DCC: variants seen among roughly 807,000 people sequenced by gnomAD.
The protein encoded by DCC is netrin receptor DCC.
DCC carries 58 observed loss-of-function variants against 172.5 expected under a neutral mutation model. The observed-to-expected ratio is 0.34, with a 90% CI of 0.27 to 0.42. DCC has a LOEUF of 0.42. DCC is among the 10% of genes least tolerant of loss of function. The pLI, the probability that DCC is intolerant of heterozygous loss-of-function variation, is 1.00. For missense variants in DCC, 1,740 were observed against 1,791.0 expected, an observed-to-expected ratio of 0.97 and a Z score of 0.51; for synonymous variants, 709 against 644.5, an observed-to-expected ratio of 1.10 and a Z score of -1.52.
chr18:52,858,266 G>T (rs1231420819), intron 2 of DCC, among the ~76,000 whole-genome samples: 1 of 152,158 alleles, frequency 6.6e-6, no homozygotes, highest in East Asian at 1.9e-4. Flanking sequence ...TTCTTGAAAT[G>T]GTATTAGAAA....
intron 1 of DCC, among the ~76,000 whole-genome samples, chr18:52,676,310 G>T (rs1568035637): frequency 6.6e-6 from 1 of 152,154 alleles, no homozygotes; most frequent in Non-Finnish European, 1.5e-5. Context: ...ATTGAATGAA[G>T]TACTCGGGAA....
At chr18:53,492,488 T>C (rs1031487218) in intron 26 of DCC, among the ~76,000 whole-genome samples, 3 of 152,160 alleles carry the variant, frequency 2.0e-5, no homozygotes, top group Admixed American at 2.0e-4. Context: ...TTGTATAAGG[T>C]GTAAAGAAGG....
At chr18:52,616,604 C>A (rs1017915076) in intron 1 of DCC, among the ~76,000 whole-genome samples, 1 of 152,028 alleles carries the variant, frequency 6.6e-6, no homozygotes, top group African/African-American at 2.4e-5. Context: ...TATCAATGAA[C>A]AAGTATTTAG....
intron 7 of DCC, among the ~76,000 whole-genome samples, chr18:53,091,726 A>G (rs1215200703): frequency 6.6e-6 from 1 of 151,932 alleles, no homozygotes; most frequent in Non-Finnish European, 1.5e-5. Flanking sequence ...ACCTCCTAAT[A>G]TGATCACTTT....
chr18:52,699,004 T>C (rs1003027331), intron 1 of DCC, among the ~76,000 whole-genome samples: 2 of 152,162 alleles, frequency 1.3e-5, no homozygotes. Flanking sequence ...GTGTTTGTTA[T>C]ATGTGCTTAG....
chr18:52,904,040 A>G (rs2039845701), intron 2 of DCC, among the ~76,000 whole-genome samples: 2 of 152,230 alleles, frequency 1.3e-5, no homozygotes, highest in African/African-American at 2.4e-5. Context: ...GAATAAAATT[A>G]GCCAAGTGGC....
At chr18:52,663,408 G>A (rs2035400722) in intron 1 of DCC, among the ~76,000 whole-genome samples, 2 of 152,266 alleles carry the variant, frequency 1.3e-5, no homozygotes, top group South Asian at 4.1e-4. Flanking sequence ...AGTTTGCTGA[G>A]TTTCGAGTGG....
intron 7 of DCC, among the ~76,000 whole-genome samples, chr18:53,131,953 ATTTTTTTTTTT>A (rs71175556): frequency 1.0e-4 from 6 of 58,258 alleles, no homozygotes; most frequent in Admixed American, 2.9e-4. Flanking sequence ...TCTCTAAGTG[ATTTTTTTTTTT>A]TTTTTTTTTT....
intron 19 of DCC, among the ~76,000 whole-genome samples, chr18:53,403,168 C>T (rs1909436780): frequency 6.6e-6 from 1 of 151,344 alleles, no homozygotes. Context: ...TAGAATAGAC[C>T]TTTTTGTTTT....
At chr18:53,087,820 T>A (rs2042937866) in intron 7 of DCC, among the ~76,000 whole-genome samples, 1 of 152,148 alleles carries the variant, frequency 6.6e-6, no homozygotes, top group South Asian at 2.1e-4. Context: ...TTTCTACATA[T>A]GGCTAGCCAG....
At chr18:53,345,616 G>A (rs543472167) in intron 15 of DCC, among the ~76,000 whole-genome samples, 1 of 152,216 alleles carries the variant, frequency 6.6e-6, no homozygotes, top group Admixed American at 6.5e-5. Context: ...TTTCCCTTTA[G>A]ATTGAAAATC....
At chr18:52,955,640 G>A (rs1045307996) in intron 5 of DCC, among the ~76,000 whole-genome samples, 3 of 152,020 alleles carry the variant, frequency 2.0e-5, no homozygotes, top group Non-Finnish European at 2.9e-5. Context: ...CTTCAAAGTG[G>A]TTGCACCATT....
intron 12 of DCC, among the ~76,000 whole-genome samples, chr18:53,227,029 A>T (rs1393757504): frequency 6.9e-6 from 1 of 145,734 alleles, no homozygotes; most frequent in Non-Finnish European, 1.5e-5. Flanking sequence ...GACTCAGTGC[A>T]ACCTCTGCCT....
intron 22 of DCC, among the ~76,000 whole-genome samples, chr18:53,446,591 A>T (rs1041468138): frequency 6.6e-6 from 1 of 152,126 alleles, no homozygotes; most frequent in African/African-American, 2.4e-5. Context: ...TAAGATATAG[A>T]TCCTCATTAC....
intron 3 of DCC, among the ~76,000 whole-genome samples, chr18:52,917,028 A>G (rs965594156): frequency 6.7e-6 from 1 of 150,338 alleles, no homozygotes; most frequent in African/African-American, 2.4e-5. Context: ...CATGCCCATA[A>G]TCCCAGCAAC....
intron 7 of DCC, among the ~76,000 whole-genome samples, chr18:53,132,142 C>A (rs2043666443): frequency 6.6e-6 from 1 of 151,640 alleles, no homozygotes; most frequent in Admixed American, 6.6e-5. Flanking sequence ...TCACCAACTG[C>A]CAAATTTGAG....
At chr18:52,390,321 C>T (rs1985982516) in intron 1 of DCC, among the ~76,000 whole-genome samples, 1 of 152,034 alleles carries the variant, frequency 6.6e-6, no homozygotes, top group Non-Finnish European at 1.5e-5. Context: ...GAGACATCCA[C>T]AACCTTCTCA....
At chr18:52,784,686 T>A (rs570221198) in intron 2 of DCC, among the ~76,000 whole-genome samples, 1 of 152,140 alleles carries the variant, frequency 6.6e-6, no homozygotes, top group East Asian at 1.9e-4. Context: ...ATTTTTTAAA[T>A]ATGTTTTGGC....
intron 1 of DCC, among the ~76,000 whole-genome samples, chr18:52,704,730 G>T (rs575786924): frequency 1.5e-4 from 23 of 152,160 alleles, no homozygotes; most frequent in Non-Finnish European, 3.1e-4. Flanking sequence ...CGCACTTAAG[G>T]TTCCCTCTTA....
Sources: gnomAD v4.1 joint callset for allele counts (sites outside exome capture counted in the v4.1 genomes callset) on GRCh38, gnomAD v4.1.1 for gene constraint, MANE v1.5 for transcripts, NCBI Gene and HGNC (gene_info 2026-07-23, HGNC 2026-07-21) for gene names.